Variants in PARD3 observed in about 807,000 individuals in gnomAD.
The protein encoded by PARD3 is partitioning defective 3 homolog.
PARD3 carries 75 observed loss-of-function variants against 155.4 expected under a neutral mutation model. That is an observed-to-expected ratio of 0.48 (90% CI 0.40 to 0.58). The LOEUF is 0.58. PARD3 is among the 20% of genes least tolerant of loss of function. The pLI, the probability that PARD3 is intolerant of heterozygous loss-of-function variation, is 0.00. For synonymous variants in PARD3, 576 were observed against 610.5 expected (o/e 0.94, Z 0.83); for missense variants, 1,642 against 1,721.7 (o/e 0.95, Z 0.82).
intron 2 of PARD3, among the ~76,000 whole-genome samples, chr10:34,652,173 G>C (rs2133064462): frequency 6.6e-6 from 1 of 152,300 alleles, no homozygotes; most frequent in South Asian, 2.1e-4. Flanking sequence ...CTAAGCAGCT[G>C]GGACAAGAAG....
chr10:34,113,568 A>G (rs1377098525), intron 24 of PARD3, among the ~76,000 whole-genome samples: 6 of 151,980 alleles, frequency 3.9e-5, no homozygotes, highest in Non-Finnish European at 8.8e-5. Context: ...CTTGGTAAGG[A>G]AGTTAGCAGT....
intron 5 of PARD3, among the ~76,000 whole-genome samples, chr10:34,407,736 G>A (rs959346570): frequency 7.2e-5 from 11 of 151,986 alleles, no homozygotes; most frequent in African/African-American, 2.7e-4. Flanking sequence ...GGGAGACTGA[G>A]ACAGGGGGAT....
intron 1 of PARD3, 66 bp downstream of exon 1, chr10:34,814,810 C>G: frequency 1.6e-6 from 2 of 1,274,464 alleles, no homozygotes; most frequent in Non-Finnish European, 2.1e-6. Flanking sequence ...TTCCAGGAAG[C>G]GCCATATTGA....
At chr10:34,390,407 C>G (rs532675754) in intron 7 of PARD3, among the ~76,000 whole-genome samples, 1 of 152,264 alleles carries the variant, frequency 6.6e-6, no homozygotes, top group African/African-American at 2.4e-5. Context: ...AGGCACATAA[C>G]AAAAGATAAA....
At chr10:34,756,513 G>A in intron 1 of PARD3, among the ~76,000 whole-genome samples, 1 of 125,740 alleles carries the variant, frequency 8.0e-6, no homozygotes, top group Non-Finnish European at 1.6e-5. Context: ...CAGCTCTGTT[G>A]CCTAGGCTGT....
At chr10:34,273,027 A>T (rs973539073) in intron 21 of PARD3, among the ~76,000 whole-genome samples, 3 of 152,192 alleles carry the variant, frequency 2.0e-5, no homozygotes, top group Middle Eastern at 3.2e-3. Context: ...GGAAATTTAA[A>T]ATGGTACTGT....
intron 2 of PARD3, among the ~76,000 whole-genome samples, chr10:34,617,213 C>T (rs1369028885): frequency 2.0e-5 from 3 of 151,906 alleles, no homozygotes; most frequent in Non-Finnish European, 4.4e-5. Flanking sequence ...CGAGATCACG[C>T]ACCATTACAC....
intron 2 of PARD3, among the ~76,000 whole-genome samples, chr10:34,593,256 TA>T (rs762441142): frequency 1.1e-4 from 16 of 152,090 alleles, no homozygotes; most frequent in Non-Finnish European, 1.8e-4. Context: ...TGCTTGAAAA[TA>T]AAACATTAGA....
chr10:34,791,211 C>T (rs1841577605), intron 1 of PARD3, among the ~76,000 whole-genome samples: 1 of 152,328 alleles, frequency 6.6e-6, no homozygotes, highest in East Asian at 1.9e-4. Context: ...CGCTTGTACC[C>T]GTCACCAACG....
chr10:34,422,878 T>C (rs2075393884), intron 5 of PARD3, among the ~76,000 whole-genome samples: 2 of 152,144 alleles, frequency 1.3e-5, no homozygotes, highest in Admixed American at 6.6e-5. Flanking sequence ...ATAGGGGTTC[T>C]TCAAAAAGTT....
At chr10:34,576,859 G>A (rs1337236637) in intron 2 of PARD3, among the ~76,000 whole-genome samples, 1 of 152,176 alleles carries the variant, frequency 6.6e-6, no homozygotes, top group Non-Finnish European at 1.5e-5. Context: ...GCATAAAAAT[G>A]AAAGGAAATC....
chr10:34,320,513 T>C (rs1047590025), intron 19 of PARD3, among the ~76,000 whole-genome samples: 8 of 152,198 alleles, frequency 5.3e-5, no homozygotes, highest in South Asian at 2.1e-4. Context: ...GTTTTCTGCC[T>C]AATAGTTTTG....
Position 34,804,318 on chromosome 10 carries a change from T to A in PARD3, c.120+10558A>T, listed in dbSNP as rs1276102682. On this transcript the variant is annotated intron_variant, in intron 1 of 24. Transcript: ENST00000374788. ...TCCCAAAGTGCTGGGATTACAGGCA[T>A]GAGCCACTGCACTTGGCCAAGATCA... is the stretch of plus-strand genomic sequence containing the variant. Among the ~76,000 whole-genome samples the A allele has an allele frequency of 2.6e-5, 4 of 152,236 alleles. No homozygotes were observed. The East Asian group carries it at 7.7e-4, about 29-fold the overall frequency.
chr10:34,484,592 T>G (rs574972091), intron 3 of PARD3, among the ~76,000 whole-genome samples: 2 of 152,288 alleles, frequency 1.3e-5, no homozygotes, highest in South Asian at 2.1e-4. Flanking sequence ...CAACCCATAT[T>G]TTTGAGCCCC....
intron 7 of PARD3, among the ~76,000 whole-genome samples, chr10:34,396,302 A>ATC (rs1564665877): frequency 6.6e-6 from 1 of 152,102 alleles, no homozygotes; most frequent in Admixed American, 6.6e-5. Flanking sequence ...GTGAGCCAGG[A>ATC]TCTCCAGCCT....
At chr10:34,263,133 T>G (rs7901148) in intron 22 of PARD3, among the ~76,000 whole-genome samples, 67,555 of 152,112 alleles carry the variant, frequency 0.44, 15,359 homozygotes, top group Middle Eastern at 0.57. Flanking sequence ...TCTGCACCTA[T>G]GTGGCGATGC....
intron 18 of PARD3, among the ~76,000 whole-genome samples, chr10:34,333,335 T>A (rs1176661349): frequency 6.6e-6 from 1 of 152,092 alleles, no homozygotes; most frequent in East Asian, 1.9e-4. Flanking sequence ...TTCATTGAAA[T>A]TGAGTGTCCC....
chr10:34,216,977 T>C (rs551284667), intron 22 of PARD3, among the ~76,000 whole-genome samples: 2 of 152,246 alleles, frequency 1.3e-5, no homozygotes, highest in Non-Finnish European at 2.9e-5. Context: ...CTTTGATTTA[T>C]ATAAATATTT....
chr10:34,651,633 T>C lies in PARD3; in HGVS notation c.222+44685A>G, dbSNP rs150969242. Among the ~76,000 whole-genome samples the C allele has an allele frequency of 7.6e-4, 116 of 152,290 alleles. No homozygotes were observed. The East Asian group carries it at 0.02, about 26-fold the overall frequency. ...ATCAACAAAGGCCAGGCCATGCTGGTTGTTTTTTTGTAAGCGACGTTAATA... is the reference window on the plus strand; with the variant it reads ...ATCAACAAAGGCCAGGCCATGCTGGCTGTTTTTTTGTAAGCGACGTTAATA... On this transcript the variant is annotated intron_variant, in intron 2 of 24. Transcript: ENST00000374788.
Sources: gnomAD v4.1 joint callset for allele counts (sites outside exome capture counted in the v4.1 genomes callset) on GRCh38, gnomAD v4.1.1 for gene constraint, MANE v1.5 for transcripts, NCBI Gene and HGNC (gene_info 2026-07-23, HGNC 2026-07-21) for gene names.